The following CADPS variants were observed in gnomAD, a reference collection of about 807,000 sequenced individuals.
CADPS encodes the protein calcium dependent secretion activator.
Under a neutral mutation model 167.3 loss-of-function variants are expected in CADPS, and 57 were observed. The ratio of observed to expected loss-of-function variants is 0.34; its 90% confidence interval spans 0.28 to 0.42. CADPS has a LOEUF of 0.42. CADPS is among the 20% of genes least tolerant of loss of function. CADPS has a pLI of 1.00. For missense variants in CADPS, 1,414 were observed against 1,738.1 expected, an observed-to-expected ratio of 0.81 and a Z score of 3.32; for synonymous variants, 676 against 635.3, an observed-to-expected ratio of 1.06 and a Z score of -0.96.
At chr3:62,867,101 A>AT (rs921615039) in intron 1 of CADPS, among the ~76,000 whole-genome samples, 70 of 152,216 alleles carry the variant, frequency 4.6e-4, no homozygotes, top group African/African-American at 1.7e-3. Flanking sequence ...TTATGAGTTC[A>AT]TTTTTAATGG....
intron 3 of CADPS, among the ~76,000 whole-genome samples, chr3:62,717,120 C>T (rs184639199): frequency 6.6e-6 from 1 of 152,136 alleles, no homozygotes; most frequent in African/African-American, 2.4e-5. Context: ...CCATATCATT[C>T]ACCTCTCACT....
intron 2 of CADPS, among the ~76,000 whole-genome samples, chr3:62,762,788 C>T (rs113265204): frequency 0.023 from 3,425 of 152,048 alleles, 65 homozygotes; most frequent in South Asian, 0.065. Flanking sequence ...TAATGCTCTG[C>T]GGATACTGAG....
At chr3:62,532,824 G>C in intron 13 of CADPS, 47 bp downstream of exon 13, 1 of 1,573,108 alleles carries the variant, frequency 6.4e-7, no homozygotes, top group South Asian at 1.1e-5. Context: ...ACCATTGCCA[G>C]TGCCATTTCT....
chr3:62,724,414 T>G (rs1480726485), intron 3 of CADPS, among the ~76,000 whole-genome samples: 1 of 151,998 alleles, frequency 6.6e-6, no homozygotes, highest in Admixed American at 6.5e-5. Context: ...CAATAACAGT[T>G]TAAAAACAAA....
intron 29 of CADPS, among the ~76,000 whole-genome samples, chr3:62,402,156 C>T (rs139588425): frequency 9.7e-4 from 133 of 136,746 alleles, no homozygotes; most frequent in African/African-American, 3.5e-3. Context: ...TTACACACAA[C>T]GGAACAGCAG....
At chr3:62,796,593 T>C (rs186161845) in intron 1 of CADPS, among the ~76,000 whole-genome samples, 3 of 152,284 alleles carry the variant, frequency 2.0e-5, no homozygotes, top group African/African-American at 4.8e-5. Context: ...AGAAGGCCTA[T>C]AGCAGAGAGA....
chr3:62,776,578 C>T (rs1420767020), intron 1 of CADPS, among the ~76,000 whole-genome samples: 2 of 152,082 alleles, frequency 1.3e-5, no homozygotes, highest in Non-Finnish European at 1.5e-5. Flanking sequence ...GGCGTGAACC[C>T]GGGAGGCGGA....
chr3:62,776,704 A>G (rs2090400529), intron 1 of CADPS, among the ~76,000 whole-genome samples: 1 of 152,138 alleles, frequency 6.6e-6, no homozygotes, highest in Admixed American at 6.5e-5. Context: ...GGGAATAGGA[A>G]TGAGTTCTGG....
rs1006340766 is a variant in CADPS, at chr3:62,773,165, C to A, written c.442-7181G>T. Among the ~76,000 whole-genome samples, 9 of 151,826 alleles carry A rather than the reference C, an allele frequency of 5.9e-5. No homozygotes were observed. In the East Asian group the frequency reaches 1.7e-3, roughly 29 times the overall value. ...GAAGACTTCAAAAATTTATATTGGG[C>A]CATGAATTTTATTAATAAATAAAAT... is the stretch of plus-strand genomic sequence containing the variant. On this transcript the variant is annotated intron_variant, in intron 1 of 29. Coordinates refer to ENST00000383710, the MANE Select transcript of CADPS (RefSeq NM_003716.4).
chr3:62,775,955 T>C (rs2090181911), intron 1 of CADPS, among the ~76,000 whole-genome samples: 1 of 152,212 alleles, frequency 6.6e-6, no homozygotes, highest in African/African-American at 2.4e-5. Context: ...ACTAGTACAG[T>C]TTGGCACCAC....
chr3:62,622,264 G>C (rs904086881), intron 6 of CADPS, among the ~76,000 whole-genome samples: 2 of 152,104 alleles, frequency 1.3e-5, no homozygotes, highest in Non-Finnish European at 2.9e-5. Flanking sequence ...CTGACTTTTG[G>C]ATACTTCTCG....
At chr3:62,406,056 A>T (rs970216236) in intron 28 of CADPS, among the ~76,000 whole-genome samples, 1 of 152,242 alleles carries the variant, frequency 6.6e-6, no homozygotes, top group African/African-American at 2.4e-5. Flanking sequence ...CAGCTCTCCA[A>T]GATAGCCACA....
chr3:62,425,375 T>C (rs1251808310), intron 28 of CADPS, among the ~76,000 whole-genome samples: 1 of 152,162 alleles, frequency 6.6e-6, no homozygotes, highest in Non-Finnish European at 1.5e-5. Flanking sequence ...AAATGTGCTG[T>C]AGGGGACAAA....
intron 1 of CADPS, among the ~76,000 whole-genome samples, chr3:62,795,921 A>T (rs11921997): frequency 3.3e-5 from 5 of 152,164 alleles, no homozygotes; most frequent in African/African-American, 1.2e-4. Context: ...CAACATCAAC[A>T]GGGGTACAGA....
rs2064147947 is a variant in CADPS, at chr3:62,493,754, T to C, written c.2707-89A>G. On this transcript the variant is annotated intron_variant, in intron 18 of 29. Coordinates refer to ENST00000383710, the MANE Select transcript of CADPS (RefSeq NM_003716.4). ...GAAATAGACACCTGCTGTTTCCATT[T>C]TAATTTACAGTAAAACCTCACTGAT... The C allele has an allele frequency of 8.2e-6, 9 of 1,098,240 alleles. No homozygotes were observed. The Admixed American group carries it at 1.2e-4, about 15-fold the overall frequency. 68.0% of individuals were successfully genotyped at this position (1,098,240 alleles called of 1,614,324 possible). A position where few individuals can be genotyped will look rare whatever the true frequency, so the allele number is the denominator to read the frequency against.
intron 1 of CADPS, among the ~76,000 whole-genome samples, chr3:62,847,261 CTTTTTTTTT>C (rs202175985): frequency 2.3e-5 from 3 of 133,066 alleles, no homozygotes; most frequent in Admixed American, 1.5e-4. Context: ...GCAGCATTTT[CTTTTTTTTT>C]TTTTTTTTAA....
intron 18 of CADPS, among the ~76,000 whole-genome samples, chr3:62,497,884 G>A (rs1273634129): frequency 6.6e-6 from 1 of 152,210 alleles, no homozygotes; most frequent in East Asian, 1.9e-4. Context: ...AGGCAGGTAG[G>A]AGGCGTTGTG....
At chr3:62,453,654 C>G (rs968748551) in intron 26 of CADPS, among the ~76,000 whole-genome samples, 3 of 152,198 alleles carry the variant, frequency 2.0e-5, no homozygotes, top group Non-Finnish European at 2.9e-5. Context: ...TGCGGGTGAG[C>G]AGTTGAGCAA....
chr3:62,637,200 C>A (rs1026904633), intron 6 of CADPS, among the ~76,000 whole-genome samples: 1 of 152,116 alleles, frequency 6.6e-6, no homozygotes, highest in Non-Finnish European at 1.5e-5. Flanking sequence ...GTCTCTCTTT[C>A]AAATTTAGGG....
Sources: gnomAD v4.1 joint callset for allele counts (sites outside exome capture counted in the v4.1 genomes callset) on GRCh38, gnomAD v4.1.1 for gene constraint, MANE v1.5 for transcripts, NCBI Gene and HGNC (gene_info 2026-07-23, HGNC 2026-07-21) for gene names.